TFCP2: variants seen among roughly 807,000 people sequenced by gnomAD.
The protein encoded by TFCP2 is alpha-globin transcription factor CP2.
A neutral mutation model predicts 73.4 loss-of-function variants in TFCP2; 33 were observed. That is an observed-to-expected ratio of 0.45 (90% CI 0.34 to 0.60). The LOEUF is 0.60. Ranked by LOEUF, TFCP2 falls within the 20% of genes least tolerant of loss-of-function variation. The probability of loss-of-function intolerance (pLI) is 0.01; values close to 1 mark genes in which losing one functional copy is unlikely to be tolerated. For synonymous variants in TFCP2, 193 were observed against 211.6 expected (o/e 0.91, Z 0.76); for missense variants, 352 against 604.0 (o/e 0.58, Z 4.37).
chr12:51,120,843 G>A (rs994722868), intron 1 of TFCP2, among the ~76,000 whole-genome samples: 4 of 144,348 alleles, frequency 2.8e-5, no homozygotes, highest in African/African-American at 7.7e-5. Flanking sequence ...GCTGAGGCAC[G>A]AGAATCACTT....
intron 1 of TFCP2, among the ~76,000 whole-genome samples, chr12:51,119,072 A>G (rs1332631137): frequency 6.6e-6 from 1 of 152,238 alleles, no homozygotes; most frequent in East Asian, 1.9e-4. Flanking sequence ...AAAATGTATA[A>G]ATCTAGGACA....
At chr12:51,116,104 T>C (rs927423445) in intron 4 of TFCP2, among the ~76,000 whole-genome samples, 1 of 152,254 alleles carries the variant, frequency 6.6e-6, no homozygotes, top group African/African-American at 2.4e-5. Context: ...CTATAGTTGC[T>C]ATGGAACTAA....
intron 6 of TFCP2, 23 bp downstream of exon 6, chr12:51,109,098 G>GC (rs748807001): frequency 6.2e-7 from 1 of 1,612,296 alleles, no homozygotes; most frequent in African/African-American, 1.3e-5. Context: ...GAATCCAAGG[G>GC]CCAGCACATT....
intron 9 of TFCP2, 73 bp downstream of exon 9, chr12:51,104,082 T>C: frequency 3.4e-6 from 5 of 1,463,672 alleles, no homozygotes; most frequent in East Asian, 2.3e-5. Flanking sequence ...AAGTTGGGCA[T>C]TTCTACTGAA....
chr12:51,130,715 G>A (rs938842812), intron 1 of TFCP2, among the ~76,000 whole-genome samples: 2 of 151,924 alleles, frequency 1.3e-5, no homozygotes, highest in Non-Finnish European at 2.9e-5. Context: ...GGCCAGGCAC[G>A]ATGGCTCACG....
At chr12:51,117,883 T>C (rs1428904311) in intron 2 of TFCP2, 136 bp from the exon 3 acceptor site, 41 of 602,326 alleles carry the variant, frequency 6.8e-5, no homozygotes, top group South Asian at 9.0e-5. Context: ...TCAGAAGCCT[T>C]TACAAGATGC....
intron 4 of TFCP2, among the ~76,000 whole-genome samples, chr12:51,112,712 T>TA (rs1261560334): frequency 6.6e-6 from 1 of 151,784 alleles, no homozygotes; most frequent in African/African-American, 2.4e-5. Context: ...ACTACAAATA[T>TA]AAAAATTAGC....
chr12:51,166,644 A>G (rs1196283853), intron 1 of TFCP2, among the ~76,000 whole-genome samples: 8 of 152,160 alleles, frequency 5.3e-5, no homozygotes, highest in Admixed American at 5.2e-4. Context: ...AGAGCAATGT[A>G]GCTCAATTAC....
At chr12:51,142,596 C>G (rs1335006175) in intron 1 of TFCP2, among the ~76,000 whole-genome samples, 1 of 152,144 alleles carries the variant, frequency 6.6e-6, no homozygotes, top group East Asian at 1.9e-4. Flanking sequence ...TCTCAATTCT[C>G]AAGAACCTTT....
chr12:51,136,822 C>T (rs967134165), intron 1 of TFCP2, among the ~76,000 whole-genome samples: 4 of 151,988 alleles, frequency 2.6e-5, no homozygotes, highest in South Asian at 2.1e-4. Flanking sequence ...ACCTGTAGCC[C>T]GTAGTCCCAG....
At chr12:51,135,525 G>T (rs1047576362) in intron 1 of TFCP2, among the ~76,000 whole-genome samples, 6 of 152,096 alleles carry the variant, frequency 3.9e-5, no homozygotes, top group Admixed American at 2.6e-4. Context: ...TGCTGTATTT[G>T]TATATTATAT....
chr12:51,171,950 T>G (rs1299809830), intron 1 of TFCP2, among the ~76,000 whole-genome samples: 2 of 152,164 alleles, frequency 1.3e-5, no homozygotes, highest in Non-Finnish European at 2.9e-5. Flanking sequence ...ATACCATTCC[T>G]ATGCTATATG....
At chr12:51,130,193 C>T (rs562087230) in intron 1 of TFCP2, among the ~76,000 whole-genome samples, 2 of 152,184 alleles carry the variant, frequency 1.3e-5, no homozygotes, top group South Asian at 4.2e-4. Flanking sequence ...AGCTGTTGGC[C>T]GGGCGCAGTG....
At chr12:51,097,963 C>T (rs1393590761) in intron 13 of TFCP2, among the ~76,000 whole-genome samples, 1 of 150,898 alleles carries the variant, frequency 6.6e-6, no homozygotes, top group African/African-American at 2.4e-5. Context: ...TGCAGTGAGC[C>T]GAGATCACAC....
At chr12:51,168,849 T>C (rs959078099) in intron 1 of TFCP2, among the ~76,000 whole-genome samples, 3 of 151,978 alleles carry the variant, frequency 2.0e-5, no homozygotes. Context: ...TTGCCCAGGC[T>C]GTAGTGCAGT....
intron 13 of TFCP2, among the ~76,000 whole-genome samples, chr12:51,096,451 T>A (rs189670731): frequency 6.6e-6 from 1 of 152,282 alleles, no homozygotes; most frequent in African/African-American, 2.4e-5. Flanking sequence ...TAAACTCCCT[T>A]CTCCCAAGAT....
intron 11 of TFCP2, among the ~76,000 whole-genome samples, chr12:51,101,709 T>C (rs748639063): frequency 9.9e-5 from 15 of 152,200 alleles, no homozygotes; most frequent in Non-Finnish European, 1.6e-4. Flanking sequence ...TGAATTTTCA[T>C]TGGAAAATTC....
At chr12:51,133,558 G>A (rs114889832) in intron 1 of TFCP2, among the ~76,000 whole-genome samples, 2,056 of 152,236 alleles carry the variant, frequency 0.014, 50 homozygotes, top group African/African-American at 0.047. Context: ...GCAATCTGCC[G>A]CCTTGGCCCC....
chr12:51,137,751 T>C (rs996611874), intron 1 of TFCP2, among the ~76,000 whole-genome samples: 3 of 152,200 alleles, frequency 2.0e-5, no homozygotes, highest in African/African-American at 7.2e-5. Context: ...AGAACTCCCA[T>C]TTCAGTATTC....
Sources: gnomAD v4.1 joint callset for allele counts (sites outside exome capture counted in the v4.1 genomes callset) on GRCh38, gnomAD v4.1.1 for gene constraint, MANE v1.5 for transcripts, NCBI Gene and HGNC (gene_info 2026-07-23, HGNC 2026-07-21) for gene names.